Variants in EXT2 observed in about 807,000 individuals in gnomAD.
EXT2 encodes the protein exostosin glycosyltransferase 2.
EXT2 carries 53 observed loss-of-function variants against 81.6 expected under a neutral mutation model. The ratio of observed to expected loss-of-function variants is 0.65; its 90% CI spans 0.52 to 0.82. The LOEUF (loss-of-function observed/expected upper bound fraction) is 0.82. Ranked by LOEUF, EXT2 falls within the 40% of genes least tolerant of loss-of-function variation. EXT2 has a pLI of 0.00. For synonymous variants in EXT2, 320 were observed against 340.0 expected (o/e 0.94, Z 0.65); for missense variants, 774 against 910.2 (o/e 0.85, Z 1.93).
At chr11:44,119,169 T>TGTATATATATATATATAC (rs1954276840) in intron 4 of EXT2, among the ~76,000 whole-genome samples, 1 of 63,158 alleles carries the variant, frequency 1.6e-5, no homozygotes, top group African/African-American at 5.9e-5. Context: ...TATATATATA[T>TGTATATATATATATATAC]ACACATACAC....
intron 6 of EXT2, among the ~76,000 whole-genome samples, chr11:44,128,877 T>C (rs1223680590): frequency 1.3e-5 from 2 of 152,214 alleles, no homozygotes; most frequent in African/African-American, 4.8e-5. Flanking sequence ...GTGCTAACTG[T>C]GCAAGGCAGT....
At position 44,249,217 on chromosome 11, in the gene EXT2, C is replaced by G. The variant is rs535616027; in HGVS notation, c.*4930C>G. On this transcript the variant is annotated 3_prime_UTR_variant, in exon 14 of 14. Transcript: ENST00000533608. ...CTCACTATGTTGCCTAGGCTGGTCTCTAACTCCTGGGATCAAGTGATCCTC... is the reference window on the plus strand; with the variant it reads ...CTCACTATGTTGCCTAGGCTGGTCTGTAACTCCTGGGATCAAGTGATCCTC... Among the ~76,000 whole-genome samples, 5 of 152,276 alleles carry G rather than the reference C, an allele frequency of 3.3e-5. No homozygotes were observed. The highest frequency in any genetic ancestry group is 1.2e-4 in the African/African-American group (5 of 41,560).
chr11:44,209,768 CTCAG>C (rs934700644), intron 10 of EXT2, among the ~76,000 whole-genome samples: 66 of 152,246 alleles, frequency 4.3e-4, no homozygotes, highest in African/African-American at 1.5e-3. Flanking sequence ...TCAGAGAATC[CTCAG>C]TCAGGTTGGG....
chr11:44,175,927 C>G (rs1283917690), intron 8 of EXT2, among the ~76,000 whole-genome samples: 1 of 152,024 alleles, frequency 6.6e-6, no homozygotes, highest in Non-Finnish European at 1.5e-5. Context: ...TGAGACTAAC[C>G]CAATGACTTA....
chr11:44,234,335 A>G (rs1469294189), intron 12 of EXT2, 92 bp downstream of exon 12: 1 of 1,259,364 alleles, frequency 7.9e-7, no homozygotes, highest in Non-Finnish European at 1.1e-6. Flanking sequence ...AATTAAATAT[A>G]GGACTAGATA....
At chr11:44,209,192 A>G (rs1020114334) in intron 10 of EXT2, among the ~76,000 whole-genome samples, 41 of 152,198 alleles carry the variant, frequency 2.7e-4, no homozygotes, top group African/African-American at 9.9e-4. Context: ...GGGATTCCCC[A>G]GTCTAGGTTG....
intron 9 of EXT2, among the ~76,000 whole-genome samples, chr11:44,203,294 G>A (rs1017019865): frequency 6.6e-6 from 1 of 152,140 alleles, no homozygotes; most frequent in African/African-American, 2.4e-5. Context: ...CTACTACAGG[G>A]TAAAGAGAAC....
At chr11:44,096,353 G>A (rs1446760903) in intron 1 of EXT2, 3 of 1,526,954 alleles carry the variant, frequency 2.0e-6, no homozygotes, top group Non-Finnish European at 2.6e-6. Flanking sequence ...TGTTATGCCG[G>A]GGACTGGGTG....
chr11:44,215,633 CA>C (rs762175277), intron 10 of EXT2, among the ~76,000 whole-genome samples: 8 of 152,196 alleles, frequency 5.3e-5, no homozygotes, highest in Non-Finnish European at 8.8e-5. Context: ...TTAGCATAAT[CA>C]AAATATCCCC....
chr11:44,228,985 A>G (rs1465250302), intron 10 of EXT2, among the ~76,000 whole-genome samples: 2 of 152,188 alleles, frequency 1.3e-5, no homozygotes, highest in Non-Finnish European at 2.9e-5. Context: ...AGCAACTTCC[A>G]TCTTCAGCAG....
intron 1 of EXT2, among the ~76,000 whole-genome samples, 174 bp from the exon 2 acceptor site, chr11:44,107,509 G>C (rs1048331953): frequency 1.8e-4 from 27 of 152,046 alleles, no homozygotes; most frequent in African/African-American, 6.3e-4. Flanking sequence ...CTTGAGCCTG[G>C]GGAGGTGAAG....
intron 10 of EXT2, among the ~76,000 whole-genome samples, chr11:44,230,414 G>A (rs748225539): frequency 4.6e-5 from 7 of 152,264 alleles, no homozygotes; most frequent in Admixed American, 3.9e-4. Context: ...TTTTGGGAGC[G>A]ATATTATGGG....
At chr11:44,218,572 A>C (rs1350164670) in intron 10 of EXT2, among the ~76,000 whole-genome samples, 1 of 152,142 alleles carries the variant, frequency 6.6e-6, no homozygotes, top group Non-Finnish European at 1.5e-5. Context: ...CTAGTGGAAA[A>C]TCTATAGACT....
chr11:44,249,867 G>A lies in EXT2; in HGVS notation c.*5580G>A, dbSNP rs1984730. 1.3e-4 allele frequency among the ~76,000 whole-genome samples: 20 copies of A among 152,276 alleles called. No individual in the cohort carries two copies. The highest frequency in any genetic ancestry group is 2.4e-4 in the Non-Finnish European group (16 of 68,020). On this transcript the variant is annotated 3_prime_UTR_variant, in exon 14 of 14. Coordinates refer to ENST00000533608, the MANE Select transcript of EXT2 (RefSeq NM_207122.2). ...GGGCAGATCATGAGGTCACGAGATC[G>A]AGACCCTCCTGGCTAACACGGTGAA...
At chr11:44,136,960 T>C (rs2135046890) in intron 7 of EXT2, among the ~76,000 whole-genome samples, 1 of 152,232 alleles carries the variant, frequency 6.6e-6, no homozygotes, top group African/African-American at 2.4e-5. Context: ...AATCATTTTG[T>C]GGGATATTTT....
At chr11:44,104,698 A>G (rs1954030235) in intron 1 of EXT2, 1 of 152,222 alleles carries the variant, frequency 6.6e-6, no homozygotes, top group Admixed American at 6.5e-5. Flanking sequence ...AGCGGAGGGC[A>G]GCTCCTTGCC....
At chr11:44,184,327 G>A (rs941823061) in intron 8 of EXT2, among the ~76,000 whole-genome samples, 12 of 152,192 alleles carry the variant, frequency 7.9e-5, no homozygotes, top group African/African-American at 2.4e-4. Flanking sequence ...ATGTTATAGA[G>A]CATTCTTGGT....
intron 13 of EXT2, among the ~76,000 whole-genome samples, chr11:44,242,233 C>T (rs1564990832): frequency 1.3e-5 from 2 of 152,194 alleles, no homozygotes; most frequent in African/African-American, 4.8e-5. Context: ...AGAATCTGGA[C>T]ATATTTACAG....
chr11:44,212,570 TA>T (rs1955663547), intron 10 of EXT2, among the ~76,000 whole-genome samples: 1 of 152,156 alleles, frequency 6.6e-6, no homozygotes, highest in Admixed American at 6.5e-5. Flanking sequence ...ACAACCAATT[TA>T]GAAAACAGTT....
Sources: allele counts gnomAD v4.1 joint callset (sites outside exome capture counted in the v4.1 genomes callset), GRCh38; gene constraint gnomAD v4.1.1; transcripts MANE v1.5; gene names NCBI Gene and HGNC (gene_info 2026-07-23, HGNC 2026-07-21).